The following FAM135A variants were observed in gnomAD, a reference collection of about 807,000 sequenced individuals.
FAM135A encodes the protein protein FAM135A.
In FAM135A, 79 loss-of-function variants were observed where a neutral mutation model predicts 146.8. That is an observed-to-expected ratio of 0.54 (90% CI 0.45 to 0.65). The LOEUF (loss-of-function observed/expected upper bound fraction) is 0.65. Among genes scored for constraint, FAM135A ranks in the 30% least tolerant of loss-of-function variants. FAM135A has a pLI of 0.00. For missense variants in FAM135A, 1,623 were observed against 1,758.2 expected (o/e 0.92, Z 1.38); for synonymous variants, 562 against 603.6 (o/e 0.93, Z 1.01).
intron 4 of FAM135A, among the ~76,000 whole-genome samples, chr6:70,448,562 G>C (rs1028442709): frequency 6.6e-6 from 1 of 152,172 alleles, no homozygotes; most frequent in Non-Finnish European, 1.5e-5. Context: ...GCCAAGACCA[G>C]CTCAGTGCTA....
rs142935920 is a variant in FAM135A at position 70,486,189 on chromosome 6, A to G, written c.823+4035A>G. The G allele has an allele frequency of 7.5e-4, 1,211 of 1,613,892 alleles. 1 individual carries two copies. Among genetic ancestry groups the G allele is most frequent in the Non-Finnish European group, 9.5e-4 (1,124 of 1,179,856 alleles). ...TAGCCAAGGCCAACATGCAGCTCCT[A>G]TATGAGCGTCTTCTCAGAAGAAAAC... On this transcript the variant is annotated intron_variant, in intron 10 of 21. Transcript: ENST00000418814.
At chr6:70,447,595 A>G (rs557612602) in intron 4 of FAM135A, among the ~76,000 whole-genome samples, 25 of 152,262 alleles carry the variant, frequency 1.6e-4, no homozygotes, top group African/African-American at 4.6e-4. Context: ...GGGGACAGAC[A>G]TTGTACAGGG....
intron 12 of FAM135A, among the ~76,000 whole-genome samples, chr6:70,519,266 A>C (rs1793006935): frequency 6.6e-6 from 1 of 152,208 alleles, no homozygotes; most frequent in Admixed American, 6.5e-5. Context: ...GAATGGCTGC[A>C]ATCTCATTAT....
chr6:70,556,889 A>G (rs1374063632), intron 21 of FAM135A, 26 bp downstream of exon 21: 1 of 1,594,064 alleles, frequency 6.3e-7, no homozygotes, highest in South Asian at 1.1e-5. Context: ...TATTTCAAAG[A>G]GTTATAGGTA....
intron 20 of FAM135A, among the ~76,000 whole-genome samples, chr6:70,551,184 T>C (rs940995656): frequency 4.6e-5 from 7 of 152,246 alleles, no homozygotes; most frequent in South Asian, 2.1e-4. Context: ...CCCTTTTAAT[T>C]TCCTTCAAGA....
At chr6:70,556,599 G>A (rs555407841) in intron 20 of FAM135A, 151 bp from the exon 21 acceptor site, 1 of 540,096 alleles carries the variant, frequency 1.9e-6, no homozygotes, top group East Asian at 2.9e-5. Flanking sequence ...AGAACATACA[G>A]AAATTTGGAG....
At chr6:70,514,653 C>G (rs1791784036) in intron 12 of FAM135A, among the ~76,000 whole-genome samples, 1 of 152,132 alleles carries the variant, frequency 6.6e-6, no homozygotes, top group African/African-American at 2.4e-5. Flanking sequence ...GGAACAAAAA[C>G]CCATGAACAG....
At position 70,488,768 on chromosome 6, in the gene FAM135A, T is replaced by C. The variant is rs530709712; in HGVS notation, c.824-2266T>C. Among the ~76,000 whole-genome samples, 5 of 152,262 alleles carry C rather than the reference T, an allele frequency of 3.3e-5. No homozygotes were observed. In the East Asian group the frequency reaches 9.6e-4, roughly 29 times the overall value. Reference sequence around the variant, plus strand: ...ATTTTTTCAATATTTCTAGGCTACATAGTTTGCAAGTTTCATATTCTTTCC... The same window carrying C: ...ATTTTTTCAATATTTCTAGGCTACACAGTTTGCAAGTTTCATATTCTTTCC... On this transcript the variant is annotated intron_variant, in intron 10 of 21. Coordinates refer to ENST00000418814, the MANE Select transcript of FAM135A (RefSeq NM_001162529.3).
intron 20 of FAM135A, among the ~76,000 whole-genome samples, chr6:70,538,853 A>ATATT (rs1293462612): frequency 2.4e-4 from 33 of 139,426 alleles, no homozygotes; most frequent in African/African-American, 9.1e-4. Context: ...ATATTATATT[A>ATATT]TATTATATGG....
At chr6:70,521,635 A>G (rs1318597337) in intron 12 of FAM135A, among the ~76,000 whole-genome samples, 2 of 152,236 alleles carry the variant, frequency 1.3e-5, no homozygotes, top group Non-Finnish European at 2.9e-5. Flanking sequence ...AGAATCCTAG[A>G]TCTTACTTTG....
chr6:70,432,736 A>G (rs1256548289), intron 4 of FAM135A, among the ~76,000 whole-genome samples: 2 of 151,522 alleles, frequency 1.3e-5, no homozygotes, highest in African/African-American at 4.9e-5. Context: ...TGATTAAAAT[A>G]TTTTCTTCCC....
chr6:70,468,727 T>A (rs576332852), intron 5 of FAM135A, among the ~76,000 whole-genome samples: 2 of 152,276 alleles, frequency 1.3e-5, no homozygotes, highest in African/African-American at 4.8e-5. Flanking sequence ...TCCTAGAGAG[T>A]AAGAATCTAG....
chr6:70,545,581 A>G (rs1331462130), intron 20 of FAM135A, among the ~76,000 whole-genome samples: 1 of 152,050 alleles, frequency 6.6e-6, no homozygotes, highest in Non-Finnish European at 1.5e-5. Flanking sequence ...CTGCCACTAT[A>G]CTCCAGCCTG....
In FAM135A at chr6:70,559,918, A is replaced by G. The variant is rs1268121169; in HGVS notation, c.4545A>G (p.Gln1515=). ...TGGTTGCTGCCCTCAAATATTTCCA[A>G]TAGTATAAAAGCATTGTTAGCGACT... ...FFLVAALKYF[Q] Residue 1515 remains glutamine, a synonymous_variant, in exon 22 of 22, where the codon CAA becomes CAG. Transcript: ENST00000418814. 2 of 1,610,488 alleles carry G rather than the reference A, an allele frequency of 1.2e-6. No individual in the cohort carries two copies. Among genetic ancestry groups the G allele is most frequent in the Non-Finnish European group, 8.5e-7 (1 of 1,177,452 alleles).
chr6:70,518,796 G>T (rs1297690920), intron 12 of FAM135A, among the ~76,000 whole-genome samples: 1 of 152,094 alleles, frequency 6.6e-6, no homozygotes, highest in Non-Finnish European at 1.5e-5. Context: ...TACAGTTCAG[G>T]AATAAAAAGA....
At chr6:70,503,437 A>T (rs1030316814) in intron 12 of FAM135A, 17 of 151,804 alleles carry the variant, frequency 1.1e-4, no homozygotes, top group African/African-American at 4.1e-4. Context: ...TTCCTTTTTT[A>T]AAAAAATTTT....
chr6:70,456,351 A>G (rs1778369288), intron 5 of FAM135A, among the ~76,000 whole-genome samples: 1 of 152,218 alleles, frequency 6.6e-6, no homozygotes, highest in Non-Finnish European at 1.5e-5. Flanking sequence ...CTTTACATTT[A>G]CAAATGAAAC....
intron 4 of FAM135A, among the ~76,000 whole-genome samples, chr6:70,432,428 T>G (rs565841062): frequency 6.6e-6 from 1 of 152,322 alleles, no homozygotes; most frequent in East Asian, 1.9e-4. Context: ...TTAAATTTGT[T>G]AAGTAAAGCG....
intron 10 of FAM135A, among the ~76,000 whole-genome samples, chr6:70,488,628 A>G (rs371578907): frequency 1.2e-4 from 18 of 152,236 alleles, no homozygotes; most frequent in South Asian, 4.2e-4. Flanking sequence ...GTACTTACCA[A>G]CTAATGGCCT....
Sources: allele counts gnomAD v4.1 joint callset (sites outside exome capture counted in the v4.1 genomes callset), GRCh38; gene constraint gnomAD v4.1.1; transcripts MANE v1.5; gene names NCBI Gene and HGNC (gene_info 2026-07-23, HGNC 2026-07-21).